Variants in PCSK5 observed in about 807,000 individuals in gnomAD.
The protein encoded by PCSK5 is proprotein convertase subtilisin/kexin type 5.
PCSK5 carries 129 observed loss-of-function variants against 233.2 expected under a neutral mutation model. The observed-to-expected ratio is 0.55, with a 90% CI of 0.48 to 0.64. The LOEUF (loss-of-function observed/expected upper bound fraction) is 0.64. Ranked by LOEUF, PCSK5 falls within the 30% of genes least tolerant of loss-of-function variation. PCSK5 has a pLI of 0.00. For synonymous variants in PCSK5, 825 were observed against 879.2 expected (o/e 0.94, Z 1.09); for missense variants, 2,076 against 2,430.1 (o/e 0.85, Z 3.06).
rs75752936 is a variant in PCSK5 at position 76,240,979 on chromosome 9, G to T, written c.3142+295G>T. ...TGTTGGGGCTTACTGACCAGCAACC[G>T]CATTTCAGGTGCCTGAGACTCAGCC... On this transcript the variant is annotated intron_variant, in intron 24 of 37. Coordinates refer to ENST00000674117, the MANE Select transcript of PCSK5 (RefSeq NM_001372043.1). 3.3e-5 allele frequency among the ~76,000 whole-genome samples: 5 copies of T among 152,316 alleles called. No individual in the cohort carries two copies. In the East Asian group the frequency reaches 9.7e-4, roughly 29 times the overall value.
chr9:75,925,386 A>T (rs552896827), intron 1 of PCSK5, among the ~76,000 whole-genome samples: 1 of 152,224 alleles, frequency 6.6e-6, no homozygotes, highest in Non-Finnish European at 1.5e-5. Flanking sequence ...GCCAGGGGCT[A>T]TTCATTCATT....
chr9:75,901,627 TAA>T (rs34727969), intron 1 of PCSK5, among the ~76,000 whole-genome samples: 30 of 136,924 alleles, frequency 2.2e-4, no homozygotes, highest in South Asian at 2.4e-4. Flanking sequence ...TCCCAGAACT[TAA>T]AAAAAAAAAA....
intron 15 of PCSK5, among the ~76,000 whole-genome samples, 163 bp from the exon 16 acceptor site, chr9:76,181,235 A>T (rs999408457): frequency 7.9e-5 from 12 of 152,050 alleles, no homozygotes; most frequent in African/African-American, 2.7e-4. Flanking sequence ...ACTGTGCAGG[A>T]GGAAGTTTAA....
At chr9:76,092,890 T>C (rs1179435067) in intron 7 of PCSK5, among the ~76,000 whole-genome samples, 1 of 152,140 alleles carries the variant, frequency 6.6e-6, no homozygotes, top group Non-Finnish European at 1.5e-5. Flanking sequence ...TCCCTCTTAG[T>C]AGAGGAATTA....
chr9:76,325,227 G>A lies in PCSK5; in HGVS notation c.4339+1939G>A, dbSNP rs1341004562. Among the ~76,000 whole-genome samples the A allele has an allele frequency of 5.9e-5, 9 of 152,270 alleles. No homozygotes were observed. In the East Asian group the frequency reaches 1.5e-3, roughly 26 times the overall value. On this transcript the variant is annotated intron_variant, in intron 32 of 37. Transcript: ENST00000674117. ...AGAGACTCAGCAGCAGGCCTCCAGC[G>A]CCATCTTGCCTCTGCGAGGGCAGGA...
chr9:76,165,662 G>C (rs7037635), intron 12 of PCSK5, among the ~76,000 whole-genome samples: 1 of 152,046 alleles, frequency 6.6e-6, no homozygotes, highest in Non-Finnish European at 1.5e-5. Flanking sequence ...CATCGAGCAC[G>C]TGATTATGAA....
intron 2 of PCSK5, among the ~76,000 whole-genome samples, chr9:75,939,100 C>T (rs1026907889): frequency 2.6e-5 from 4 of 152,074 alleles, no homozygotes. Context: ...CAAAAGTAGC[C>T]ACATTGTAAG....
intron 7 of PCSK5, among the ~76,000 whole-genome samples, chr9:76,094,532 T>A (rs1323376754): frequency 1.3e-5 from 2 of 152,220 alleles, no homozygotes; most frequent in African/African-American, 4.8e-5. Context: ...GAAGACATCA[T>A]CTTATAGTCA....
chr9:76,228,198 G>T (rs999457315), intron 21 of PCSK5, among the ~76,000 whole-genome samples: 1 of 151,918 alleles, frequency 6.6e-6, no homozygotes, highest in Non-Finnish European at 1.5e-5. Context: ...TTCTATGTCT[G>T]CTTCCTCTCC....
intron 16 of PCSK5, among the ~76,000 whole-genome samples, chr9:76,182,540 T>C (rs1823919946): frequency 6.6e-6 from 1 of 151,274 alleles, no homozygotes; most frequent in African/African-American, 2.4e-5. Flanking sequence ...TTTTTTTTTC[T>C]AATGAATAGG....
At chr9:76,207,181 C>T (rs1027453646) in intron 20 of PCSK5, among the ~76,000 whole-genome samples, 2 of 152,176 alleles carry the variant, frequency 1.3e-5, no homozygotes, top group African/African-American at 4.8e-5. Flanking sequence ...AGGATAATCT[C>T]CCCATTTCAA....
chr9:76,031,205 C>G (rs1276384771), intron 5 of PCSK5, among the ~76,000 whole-genome samples: 1 of 152,162 alleles, frequency 6.6e-6, no homozygotes, highest in African/African-American at 2.4e-5. Flanking sequence ...ATGGATCTAT[C>G]TTTAAGCATG....
At chr9:75,913,231 G>A (rs929641818) in intron 1 of PCSK5, among the ~76,000 whole-genome samples, 4 of 152,074 alleles carry the variant, frequency 2.6e-5, no homozygotes, top group Admixed American at 1.3e-4. Flanking sequence ...GTCCACTCTC[G>A]CTCCACTCTT....
intron 5 of PCSK5, among the ~76,000 whole-genome samples, chr9:76,050,289 C>T (rs1431195958): frequency 6.6e-6 from 1 of 152,154 alleles, no homozygotes; most frequent in African/African-American, 2.4e-5. Flanking sequence ...CCAAGCTGGT[C>T]TGTTGCTTTG....
chr9:76,304,099 G>A (rs1265220866), intron 28 of PCSK5, among the ~76,000 whole-genome samples: 2 of 152,154 alleles, frequency 1.3e-5, no homozygotes, highest in Non-Finnish European at 2.9e-5. Context: ...TTGAACCTGG[G>A]AGGTGAAGGT....
At chr9:76,188,457 C>A in intron 17 of PCSK5, 121 bp from the exon 18 acceptor site, 1 of 646,862 alleles carries the variant, frequency 1.5e-6, no homozygotes, top group Admixed American at 2.7e-5. Context: ...GGCTTTGAAG[C>A]TTTGCCAAAT....
chr9:76,169,907 G>A, intron 13 of PCSK5, 67 bp downstream of exon 13: 1 of 1,391,220 alleles, frequency 7.2e-7, no homozygotes, highest in Non-Finnish European at 1.0e-6. Flanking sequence ...ATTTTGGCCA[G>A]AGTGTTTCAC....
Position 75,938,678 on chromosome 9 carries a change from A to G in PCSK5, c.297+6195A>G, listed in dbSNP as rs1045446237. ...GCCCGTATTTTCCCTTCTCCAATTA[A>G]TAAGTGTTTTGTGGGAAAATACTTA... On this transcript the variant is annotated intron_variant, in intron 2 of 37. Transcript: ENST00000674117. Among the ~76,000 whole-genome samples the G allele has an allele frequency of 2.0e-5, 3 of 152,216 alleles. No individual in the cohort carries two copies. In the East Asian group the frequency reaches 5.8e-4, roughly 29 times the overall value.
intron 32 of PCSK5, among the ~76,000 whole-genome samples, chr9:76,323,915 G>A (rs911473704): frequency 7.5e-5 from 11 of 146,048 alleles, no homozygotes; most frequent in African/African-American, 2.5e-4. Context: ...GGTGCCTCTT[G>A]TCTCCCTTCC....
Sources: gnomAD v4.1 joint callset for allele counts (sites outside exome capture counted in the v4.1 genomes callset) on GRCh38, gnomAD v4.1.1 for gene constraint, MANE v1.5 for transcripts, NCBI Gene and HGNC (gene_info 2026-07-23, HGNC 2026-07-21) for gene names.